CNTN1: variants seen among roughly 807,000 people sequenced by gnomAD.
CNTN1 encodes contactin-1.
In CNTN1, 38 loss-of-function variants were observed where a neutral mutation model predicts 126.4. The observed-to-expected ratio is 0.30, with a 90% confidence interval of 0.23 to 0.39. The LOEUF (loss-of-function observed/expected upper bound fraction) is 0.39, where lower values mean the gene tolerates loss of function less well. Among genes scored for constraint, CNTN1 ranks in the 10% least tolerant of loss-of-function variants. The probability of loss-of-function intolerance (pLI) is 1.00; values close to 1 mark genes in which losing one functional copy is unlikely to be tolerated. For missense variants in CNTN1, 1,009 were observed against 1,248.4 expected (o/e 0.81, Z 2.89); for synonymous variants, 413 against 422.6 (o/e 0.98, Z 0.28).
intron 1 of CNTN1, among the ~76,000 whole-genome samples, chr12:40,851,249 A>T (rs924755391): frequency 6.6e-6 from 1 of 151,726 alleles, no homozygotes; most frequent in East Asian, 1.9e-4. Flanking sequence ...AATAGGTGTG[A>T]CTCTCGTCTC....
chr12:41,069,439 T>C (rs1407542026), intron 23 of CNTN1, among the ~76,000 whole-genome samples: 1 of 152,118 alleles, frequency 6.6e-6, no homozygotes, highest in Non-Finnish European at 1.5e-5. Flanking sequence ...TTTTTTTACA[T>C]TTTATTATTA....
intron 1 of CNTN1, among the ~76,000 whole-genome samples, chr12:40,799,858 T>C (rs181787018): frequency 6.6e-6 from 1 of 152,134 alleles, no homozygotes; most frequent in East Asian, 1.9e-4. Context: ...TTATTAGTAG[T>C]AGTATTTTCA....
At chr12:40,929,027 G>T (rs1272552259) in intron 6 of CNTN1, among the ~76,000 whole-genome samples, 4 of 151,852 alleles carry the variant, frequency 2.6e-5, no homozygotes, top group African/African-American at 9.7e-5. Flanking sequence ...TGACCTAAAG[G>T]TATGCATTGC....
At chr12:40,824,580 A>G (rs1360826068) in intron 1 of CNTN1, among the ~76,000 whole-genome samples, 1 of 152,168 alleles carries the variant, frequency 6.6e-6, no homozygotes, top group Non-Finnish European at 1.5e-5. Flanking sequence ...TGTGCCCTAA[A>G]TAATTTATTT....
chr12:40,980,895 C>T lies in CNTN1; in HGVS notation c.1805-14C>T, dbSNP rs10784981. ...ATGGAATTCACTGATTCATTACCCA[C>T]ATTTTCATTTCAGGCCCTCCAGGCC... On this transcript the variant is annotated splice_polypyrimidine_tract_variant and intron_variant, in intron 15 of 23. Transcript: ENST00000551295. 4.3e-6 allele frequency: 7 copies of T among 1,612,854 alleles called. No homozygotes were observed. The highest frequency in any genetic ancestry group is 2.7e-5 in the African/African-American group (2 of 74,858).
intron 1 of CNTN1, among the ~76,000 whole-genome samples, chr12:40,836,528 A>G (rs1942066650): frequency 6.6e-6 from 1 of 152,066 alleles, no homozygotes; most frequent in African/African-American, 2.4e-5. Flanking sequence ...GAAAAAGGGA[A>G]AAGAAAGGAG....
chr12:41,030,645 T>C (rs1221731518), intron 23 of CNTN1, among the ~76,000 whole-genome samples: 1 of 152,160 alleles, frequency 6.6e-6, no homozygotes. Flanking sequence ...AGTTTTTTTC[T>C]ATCATAAATA....
intron 15 of CNTN1, among the ~76,000 whole-genome samples, chr12:40,959,952 A>G (rs1403669767): frequency 6.6e-6 from 1 of 152,046 alleles, no homozygotes; most frequent in African/African-American, 2.4e-5. Context: ...AACTCCAACC[A>G]TCTAACTAAT....
chr12:40,830,352 A>G (rs927523880), intron 1 of CNTN1, among the ~76,000 whole-genome samples: 3 of 152,112 alleles, frequency 2.0e-5, no homozygotes, highest in African/African-American at 7.2e-5. Flanking sequence ...AAATGAGTTT[A>G]GATAGTGATT....
At chr12:41,022,379 C>T (rs1218677527) in intron 20 of CNTN1, among the ~76,000 whole-genome samples, 1 of 152,104 alleles carries the variant, frequency 6.6e-6, no homozygotes, top group East Asian at 1.9e-4. Context: ...TAAGTAAAAA[C>T]TTATGCACTT....
intron 23 of CNTN1, among the ~76,000 whole-genome samples, chr12:41,057,089 TA>T (rs1307465867): frequency 8.3e-6 from 1 of 120,964 alleles, no homozygotes; most frequent in Non-Finnish European, 1.7e-5. Flanking sequence ...TTATAAATAT[TA>T]TAAATATTTA....
At chr12:40,804,519 G>A (rs1033088076) in intron 1 of CNTN1, among the ~76,000 whole-genome samples, 1 of 151,956 alleles carries the variant, frequency 6.6e-6, no homozygotes, top group Non-Finnish European at 1.5e-5. Flanking sequence ...GCCTGACCCC[G>A]TATTAGACTG....
intron 1 of CNTN1, among the ~76,000 whole-genome samples, chr12:40,784,832 A>T (rs1939944939): frequency 6.6e-6 from 1 of 152,196 alleles, no homozygotes; most frequent in Non-Finnish European, 1.5e-5. Context: ...ATCTGCCCTT[A>T]GAATTCAGAA....
At chr12:41,051,933 CACACACAA>C (rs1949695894) in intron 23 of CNTN1, among the ~76,000 whole-genome samples, 1 of 144,070 alleles carries the variant, frequency 6.9e-6, no homozygotes, top group African/African-American at 2.7e-5. Context: ...CACACACACA[CACACACAA>C]AGAAACCTAC....
intron 1 of CNTN1, among the ~76,000 whole-genome samples, chr12:40,851,183 CAG>C (rs753973435): frequency 6.6e-6 from 1 of 152,148 alleles, no homozygotes; most frequent in East Asian, 1.9e-4. Flanking sequence ...AAGGTGGTAA[CAG>C]AGTTTCCATG....
At chr12:40,854,901 C>A (rs1470670600) in intron 1 of CNTN1, among the ~76,000 whole-genome samples, 2 of 152,000 alleles carry the variant, frequency 1.3e-5, no homozygotes, top group African/African-American at 2.4e-5. Context: ...GGCAAGAGGG[C>A]TGAAAAGTCC....
chr12:41,043,241 C>A (rs1018136665), intron 23 of CNTN1, among the ~76,000 whole-genome samples: 7 of 151,884 alleles, frequency 4.6e-5, no homozygotes, highest in Middle Eastern at 3.4e-3. Flanking sequence ...AAATTTTTGC[C>A]ACCTACTCAT....
chr12:40,969,337 A>G (rs1947417134), intron 15 of CNTN1, among the ~76,000 whole-genome samples: 2 of 152,156 alleles, frequency 1.3e-5, no homozygotes, highest in South Asian at 4.1e-4. Context: ...GAAGCTACAG[A>G]GAGATTTTAG....
intron 1 of CNTN1, among the ~76,000 whole-genome samples, chr12:40,867,538 T>C (rs946549702): frequency 1.3e-5 from 2 of 152,192 alleles, no homozygotes; most frequent in Admixed American, 1.3e-4. Context: ...GTAACGCATA[T>C]ATTAATTAGC....
Sources: gnomAD v4.1 joint callset for allele counts (sites outside exome capture counted in the v4.1 genomes callset) on GRCh38, gnomAD v4.1.1 for gene constraint, MANE v1.5 for transcripts, NCBI Gene and HGNC (gene_info 2026-07-23, HGNC 2026-07-21) for gene names.